The following SOS1 variants were observed in gnomAD, a reference collection of about 807,000 sequenced individuals.
SOS1 encodes son of sevenless homolog 1.
SOS1 carries 25 observed loss-of-function variants against 157.6 expected under a neutral mutation model. That is an observed-to-expected ratio of 0.16 (90% CI 0.12 to 0.22). The LOEUF is 0.22. SOS1 is among the 10% of genes least tolerant of loss of function. The probability of loss-of-function intolerance (pLI) is 1.00; values close to 1 mark genes in which losing one functional copy is unlikely to be tolerated. For synonymous variants in SOS1, 528 were observed against 534.0 expected, an observed-to-expected ratio of 0.99 and a Z score of 0.16; for missense variants, 1,237 against 1,599.1, an observed-to-expected ratio of 0.77 and a Z score of 3.86.
In SOS1 at chr2:39,006,480, C is replaced by A. The variant is rs1669285869; in HGVS notation, c.2723G>T (p.Ser908Ile). 6.2e-7 allele frequency: 1 copy of A among 1,610,144 alleles called. No individual in the cohort carries two copies. Among genetic ancestry groups the A allele is most frequent in the South Asian group, 1.1e-5 (1 of 90,986 alleles). Residue 908 changes from serine (S) to isoleucine (I), a missense_variant, in exon 17 of 23, where the codon AGT (serine) becomes ATT (isoleucine). By Grantham distance (142) the Ser-to-Ile change is moderately radical. Transcript: ENST00000402219. ...CAAATATTTCTTATAGTGATCTTCA[C>A]TCAATTCATGAGCTTCTTCTAAAAT... ...KKILEEAHEL[S>I]EDHYKKYLAK...
chr2:39,033,132 G>A (rs1028959018), intron 8 of SOS1, among the ~76,000 whole-genome samples: 124 of 144,608 alleles, frequency 8.6e-4, no homozygotes, highest in African/African-American at 3.1e-3. Context: ...GTGCAATGGC[G>A]TGATCTTGGC....
intron 1 of SOS1, among the ~76,000 whole-genome samples, chr2:39,103,915 G>T (rs556966692): frequency 1.1e-4 from 17 of 152,278 alleles, no homozygotes; most frequent in South Asian, 6.2e-4. Context: ...TTGGATAAAG[G>T]TCTAATATCA....
chr2:39,110,742 G>C (rs1486550612), intron 1 of SOS1, among the ~76,000 whole-genome samples: 3 of 152,170 alleles, frequency 2.0e-5, no homozygotes, highest in Non-Finnish European at 4.4e-5. Context: ...TATCGGCAAA[G>C]GGTTCTTAGA....
chr2:39,011,020 TG>T (rs1476359610), intron 14 of SOS1, among the ~76,000 whole-genome samples: 7 of 151,772 alleles, frequency 4.6e-5, no homozygotes, highest in Non-Finnish European at 1.0e-4. Flanking sequence ...CTGAGCCTCT[TG>T]GGTAGCTGGG....
intron 22 of SOS1, among the ~76,000 whole-genome samples, chr2:38,986,886 A>G (rs1668575814): frequency 6.6e-6 from 1 of 152,166 alleles, no homozygotes; most frequent in Non-Finnish European, 1.5e-5. Flanking sequence ...TTCTACAAAG[A>G]GTGTCTTGTC....
At chr2:39,076,945 T>G (rs1217370309) in intron 1 of SOS1, among the ~76,000 whole-genome samples, 1 of 152,178 alleles carries the variant, frequency 6.6e-6, no homozygotes, top group Non-Finnish European at 1.5e-5. Flanking sequence ...TAAAAGATAG[T>G]TGCACTCCTA....
chr2:38,991,207 A>G (rs1297633336), intron 20 of SOS1, among the ~76,000 whole-genome samples: 1 of 151,834 alleles, frequency 6.6e-6, no homozygotes, highest in Non-Finnish European at 1.5e-5. Context: ...CTTGATAGAA[A>G]CAAGCATTTT....
At chr2:39,056,525 AATATT>A (rs1671218937) in intron 4 of SOS1, among the ~76,000 whole-genome samples, 172 bp downstream of exon 4, 1 of 152,232 alleles carries the variant, frequency 6.6e-6, no homozygotes, top group Non-Finnish European at 1.5e-5. Context: ...AACACATTTT[AATATT>A]ATATATCTAA....
chr2:39,034,731 G>A (rs1485421567), intron 8 of SOS1: 5 of 452,296 alleles, frequency 1.1e-5, no homozygotes, highest in South Asian at 7.8e-5. Context: ...GTTTAATACA[G>A]ATAGTTGCAA....
intron 1 of SOS1, among the ~76,000 whole-genome samples, chr2:39,105,860 A>C (rs1201822808): frequency 1.3e-5 from 2 of 152,116 alleles, no homozygotes. Flanking sequence ...AGATCGCACC[A>C]TTGCACTTCA....
chr2:39,071,029 AT>A (rs1221110667), intron 1 of SOS1, among the ~76,000 whole-genome samples: 2 of 150,988 alleles, frequency 1.3e-5, no homozygotes, highest in African/African-American at 4.9e-5. Flanking sequence ...CGTTGGGCTA[AT>A]TTTTTTTTAG....
intron 20 of SOS1, among the ~76,000 whole-genome samples, chr2:38,994,116 A>G (rs1296587429): frequency 6.6e-6 from 1 of 152,200 alleles, no homozygotes; most frequent in Non-Finnish European, 1.5e-5. Flanking sequence ...TGTAAAATGC[A>G]CGCTGGATTT....
At chr2:39,027,912 T>A (rs1670022574) in intron 8 of SOS1, among the ~76,000 whole-genome samples, 1 of 151,436 alleles carries the variant, frequency 6.6e-6, no homozygotes, top group Admixed American at 6.6e-5. Context: ...CACTGCAACC[T>A]CCACACCTCC....
intron 1 of SOS1, among the ~76,000 whole-genome samples, chr2:39,071,436 A>T (rs1464302115): frequency 6.6e-6 from 1 of 152,212 alleles, no homozygotes; most frequent in Non-Finnish European, 1.5e-5. Context: ...TCATAAATAC[A>T]ACTACAGTCC....
chr2:39,122,585 C>A (rs77498284), upstream of SOS1, among the ~76,000 whole-genome samples: 10,125 of 152,086 alleles, frequency 0.067, 453 homozygotes, highest in East Asian at 0.19. Context: ...GCTGGCGAGA[C>A]CCATCTTTAT....
At chr2:39,104,694 G>A (rs895893621) in intron 1 of SOS1, among the ~76,000 whole-genome samples, 2 of 152,178 alleles carry the variant, frequency 1.3e-5, no homozygotes, top group African/African-American at 2.4e-5. Flanking sequence ...TAGCCAAAAG[G>A]TGCAAAATGT....
chr2:39,017,293 T>G (rs1000772766), intron 10 of SOS1, among the ~76,000 whole-genome samples: 1 of 152,028 alleles, frequency 6.6e-6, no homozygotes, highest in African/African-American at 2.4e-5. Context: ...ATATAAAGAA[T>G]TAAACCTTGA....
rs58865034 is a variant in SOS1, at chr2:39,102,204, CAAAAAAAAAAAAA to C, written c.87+18119_87+18131del. On this transcript the variant is annotated intron_variant, in intron 1 of 22. Coordinates refer to ENST00000402219, the MANE Select transcript of SOS1 (RefSeq NM_005633.4). ...CGGGTGACAGTGCGAGACTCTGTCT[CAAAAAAAAAAAAA>C]AAAAAAAAAAAAAGTGCCACTTTGT... is the stretch of plus-strand genomic sequence containing the variant. Among the ~76,000 whole-genome samples the C allele has an allele frequency of 9.7e-4, 23 of 23,750 alleles. 2 individuals are homozygous for C. The East Asian group carries it at 0.018, about 18-fold the overall frequency. The allele number at this position is 23,750 out of a possible 152,430, so 15.6% of individuals were successfully genotyped here.
rs538373389 is a variant in SOS1, at chr2:39,038,311, A to G, written c.865-2811T>C. ...AAAGTTCAAGACTTTAGTTGGAGGA[A>G]GTAACTGCAGATGTGGTGGAAATAG... On this transcript the variant is annotated intron_variant, in intron 6 of 22. Coordinates refer to ENST00000402219, the MANE Select transcript of SOS1 (RefSeq NM_005633.4). Among the ~76,000 whole-genome samples, 12 of 152,322 alleles carry G rather than the reference A, an allele frequency of 7.9e-5. 1 individual carries two copies. In the South Asian group the frequency reaches 2.5e-3, roughly 32 times the overall value.
Sources: gnomAD v4.1 joint callset for allele counts (sites outside exome capture counted in the v4.1 genomes callset) on GRCh38, gnomAD v4.1.1 for gene constraint, MANE v1.5 for transcripts, NCBI Gene and HGNC (gene_info 2026-07-23, HGNC 2026-07-21) for gene names.